The following SYN3 variants were observed in gnomAD, a reference collection of about 807,000 sequenced individuals.
The protein encoded by SYN3 is synapsin III, also known as synapsin-3.
SYN3 carries 35 observed loss-of-function variants against 65.8 expected under a neutral mutation model. The observed-to-expected ratio is 0.53, with a 90% confidence interval of 0.41 to 0.70. SYN3 has a LOEUF of 0.70. Among genes scored for constraint, SYN3 ranks in the 30% least tolerant of loss-of-function variants. The pLI, the probability that SYN3 is intolerant of heterozygous loss-of-function variation, is 0.00. For synonymous variants in SYN3, 270 were observed against 292.9 expected (o/e 0.92, Z 0.80); for missense variants, 680 against 749.0 (o/e 0.91, Z 1.08).
intron 6 of SYN3, among the ~76,000 whole-genome samples, chr22:32,671,650 TGC>T (rs1491366854): frequency 1.1e-4 from 8 of 73,170 alleles, no homozygotes; most frequent in African/African-American, 5.8e-4. Context: ...CTCACACAGA[TGC>T]ACACACGCTG....
intron 4 of SYN3, among the ~76,000 whole-genome samples, chr22:32,917,648 G>C (rs528823978): frequency 2.0e-4 from 31 of 152,340 alleles, no homozygotes; most frequent in Middle Eastern, 3.4e-3. Flanking sequence ...CACAGGGTCA[G>C]CGGGGCGCAG....
intron 7 of SYN3, among the ~76,000 whole-genome samples, chr22:32,566,120 G>A (rs1010879169): frequency 6.6e-6 from 1 of 152,106 alleles, no homozygotes; most frequent in African/African-American, 2.4e-5. Flanking sequence ...TGGGATTACA[G>A]GTGTGAGCCA....
chr22:32,559,831 A>AC (rs1448359954), intron 7 of SYN3, among the ~76,000 whole-genome samples: 1 of 139,258 alleles, frequency 7.2e-6, no homozygotes, highest in African/African-American at 2.5e-5. Context: ...CTCCGTCTCA[A>AC]CAAAAAAAAA....
intron 3 of SYN3, among the ~76,000 whole-genome samples, chr22:32,943,966 A>G (rs1031735646): frequency 3.3e-5 from 5 of 152,180 alleles, no homozygotes; most frequent in Non-Finnish European, 5.9e-5. Context: ...TAGAGACTTA[A>G]CAAAGAGACT....
chr22:32,753,300 A>T (rs959033473), intron 6 of SYN3, among the ~76,000 whole-genome samples: 2 of 151,926 alleles, frequency 1.3e-5, no homozygotes, highest in Non-Finnish European at 1.5e-5. Flanking sequence ...GCTCCTTCCT[A>T]GTCCCAGGGA....
intron 4 of SYN3, among the ~76,000 whole-genome samples, chr22:32,897,132 C>T (rs369155968): frequency 2.0e-5 from 3 of 152,204 alleles, no homozygotes; most frequent in South Asian, 4.1e-4. Context: ...GACTCCACCC[C>T]AGCCACCTGC....
chr22:32,715,704 G>C (rs545262707), intron 6 of SYN3, among the ~76,000 whole-genome samples: 1 of 151,076 alleles, frequency 6.6e-6, no homozygotes, highest in Non-Finnish European at 1.5e-5. Flanking sequence ...GCTTGAACTC[G>C]GGAGGCAGAG....
chr22:32,635,714 G>A (rs544481806), intron 6 of SYN3, among the ~76,000 whole-genome samples: 15 of 152,124 alleles, frequency 9.9e-5, no homozygotes, highest in Admixed American at 3.3e-4. Flanking sequence ...GCAGTTTGAC[G>A]GTTGCTCTCT....
At chr22:32,879,312 C>T (rs912994221) in intron 4 of SYN3, among the ~76,000 whole-genome samples, 2 of 152,160 alleles carry the variant, frequency 1.3e-5, no homozygotes, top group African/African-American at 4.8e-5. Flanking sequence ...ATGTGCCAGG[C>T]ACATTTATAG....
chr22:32,829,466 G>A (rs1440302348), intron 6 of SYN3, among the ~76,000 whole-genome samples: 1 of 152,194 alleles, frequency 6.6e-6, no homozygotes, highest in Non-Finnish European at 1.5e-5. Flanking sequence ...GCACCCACAT[G>A]TAGGCTCACT....
intron 6 of SYN3, among the ~76,000 whole-genome samples, chr22:32,829,724 A>G (rs2047520497): frequency 1.3e-5 from 2 of 152,202 alleles, no homozygotes; most frequent in Admixed American, 6.5e-5. Flanking sequence ...TGCCAACTCC[A>G]TAGCTCTCAT....
chr22:32,534,433 G>A (rs1011624840), intron 9 of SYN3, among the ~76,000 whole-genome samples: 4 of 151,494 alleles, frequency 2.6e-5, no homozygotes, highest in South Asian at 2.1e-4. Flanking sequence ...CCCAGGGCCC[G>A]GGGCGGGTGG....
chr22:32,892,675 T>C (rs1023788898), intron 4 of SYN3, among the ~76,000 whole-genome samples: 9 of 152,174 alleles, frequency 5.9e-5, no homozygotes, highest in Non-Finnish European at 1.0e-4. Context: ...ATAAACTGGA[T>C]ACCACAGCCA....
chr22:32,657,682 T>C (rs989548143), intron 6 of SYN3, among the ~76,000 whole-genome samples: 10 of 152,310 alleles, frequency 6.6e-5, no homozygotes, highest in Non-Finnish European at 1.2e-4. Flanking sequence ...GAGCCTTCCC[T>C]ATGCTCAAAG....
intron 1 of SYN3, among the ~76,000 whole-genome samples, chr22:33,051,992 C>G (rs2145977225): frequency 6.6e-6 from 1 of 152,250 alleles, no homozygotes; most frequent in South Asian, 2.1e-4. Flanking sequence ...AGCACACTCC[C>G]TAGACAGTGT....
chr22:32,885,649 C>T (rs755387706), intron 4 of SYN3, among the ~76,000 whole-genome samples: 4 of 152,120 alleles, frequency 2.6e-5, no homozygotes, highest in Admixed American at 6.6e-5. Context: ...CAATCTCCAC[C>T]TCCTGGGTTC....
At chr22:32,829,464 A>G (rs548885923) in intron 6 of SYN3, among the ~76,000 whole-genome samples, 2 of 152,256 alleles carry the variant, frequency 1.3e-5, no homozygotes, top group South Asian at 2.1e-4. Context: ...TTGCACCCAC[A>G]TGTAGGCTCA....
intron 7 of SYN3, among the ~76,000 whole-genome samples, chr22:32,580,762 G>C (rs188270627): frequency 1.3e-5 from 2 of 152,200 alleles, no homozygotes; most frequent in Non-Finnish European, 1.5e-5. Flanking sequence ...CCCACTACAA[G>C]AGCTGACTGA....
intron 6 of SYN3, among the ~76,000 whole-genome samples, chr22:32,672,846 A>G (rs2060389877): frequency 6.6e-6 from 1 of 152,220 alleles, no homozygotes; most frequent in South Asian, 2.1e-4. Context: ...GGAATTCTAT[A>G]TAATGCAGAA....
Sources: gnomAD v4.1 joint callset for allele counts (sites outside exome capture counted in the v4.1 genomes callset) on GRCh38, gnomAD v4.1.1 for gene constraint, MANE v1.5 for transcripts, NCBI Gene and HGNC (gene_info 2026-07-23, HGNC 2026-07-21) for gene names.